The following PNKD variants were observed in gnomAD, a reference collection of about 807,000 sequenced individuals.
PNKD encodes probable thioesterase PNKD.
PNKD carries 36 observed loss-of-function variants against 45.3 expected under a neutral mutation model. That is an observed-to-expected ratio of 0.80 (90% CI 0.61 to 1.05). PNKD has a LOEUF of 1.05. Among genes scored for constraint, PNKD ranks in the 50% least tolerant of loss-of-function variants. The pLI, the probability that PNKD is intolerant of heterozygous loss-of-function variation, is 0.00. For missense variants in PNKD, 511 were observed against 506.6 expected (o/e 1.01, Z -0.08); for synonymous variants, 197 against 210.1 (o/e 0.94, Z 0.54).
chr2:218,317,247 C>T (rs1289910178), intron 2 of PNKD, among the ~76,000 whole-genome samples: 4 of 152,192 alleles, frequency 2.6e-5, no homozygotes, highest in Non-Finnish European at 4.4e-5. Flanking sequence ...AATGCACACT[C>T]TTGGGCCCCA....
chr2:218,323,739 C>T (rs1403440625), intron 2 of PNKD, among the ~76,000 whole-genome samples: 1 of 151,526 alleles, frequency 6.6e-6, no homozygotes, highest in East Asian at 2.0e-4. Flanking sequence ...GACCAGGAAG[C>T]TGGACAGGGG....
chr2:218,283,098 C>A (rs1257018839), intron 2 of PNKD, among the ~76,000 whole-genome samples: 2 of 152,152 alleles, frequency 1.3e-5, no homozygotes. Flanking sequence ...GGACAAAGAG[C>A]TGAGGAGTCA....
chr2:218,343,917 G>A lies in PNKD; in HGVS notation c.868+331G>A, dbSNP rs569220765. Among the ~76,000 whole-genome samples, 139 of 152,376 alleles carry A rather than the reference G, an allele frequency of 9.1e-4. No individual in the cohort carries two copies. The South Asian group carries it at 9.9e-3, about 11-fold the overall frequency. Reference sequence around the variant, plus strand: ...AGAAAATAGCCTTTGCTTATCTGGGGAGAAGTCAGTAAATCCACTCTGCAT... The same window carrying A: ...AGAAAATAGCCTTTGCTTATCTGGGAAGAAGTCAGTAAATCCACTCTGCAT... On this transcript the variant is annotated intron_variant, in intron 8 of 9. Transcript: ENST00000273077.
At chr2:218,282,038 C>A (rs1022721035) in intron 2 of PNKD, 41 of 1,606,884 alleles carry the variant, frequency 2.6e-5, no homozygotes, top group Non-Finnish European at 3.0e-5. Flanking sequence ...GGCAGGATAC[C>A]CTCCTGGCAG....
intron 2 of PNKD, among the ~76,000 whole-genome samples, chr2:218,331,373 C>T (rs557344473): frequency 1.3e-5 from 2 of 152,090 alleles, no homozygotes; most frequent in South Asian, 4.1e-4. Flanking sequence ...TGCCATTGCA[C>T]TCCAGCCTGG....
intron 2 of PNKD, among the ~76,000 whole-genome samples, chr2:218,335,209 C>T (rs1486575614): frequency 1.3e-5 from 2 of 151,836 alleles, no homozygotes; most frequent in African/African-American, 4.8e-5. Flanking sequence ...GGGCTGGGCG[C>T]GGTGGCTCAC....
chr2:218,335,040 T>C (rs1373373966), intron 2 of PNKD, among the ~76,000 whole-genome samples: 1 of 152,098 alleles, frequency 6.6e-6, no homozygotes, highest in East Asian at 1.9e-4. Flanking sequence ...TAGTCCCAGC[T>C]ACTCGGGATA....
intron 2 of PNKD, among the ~76,000 whole-genome samples, chr2:218,300,474 C>T (rs935123112): frequency 5.3e-5 from 8 of 152,096 alleles, no homozygotes; most frequent in African/African-American, 1.4e-4. Context: ...GCAAATAGAT[C>T]GCTTGGGGTT....
Position 218,340,882 on chromosome 2 carries a change from T to C in PNKD, c.524+96T>C. 9.7e-7 allele frequency: 1 copy of C among 1,031,800 alleles called. No individual in the cohort carries two copies. Among genetic ancestry groups the C allele is most frequent in the Non-Finnish European group, 1.5e-6 (1 of 651,280 alleles). 63.9% of individuals were successfully genotyped at this position (1,031,800 alleles called of 1,614,324 possible). A position where few individuals can be genotyped will look rare whatever the true frequency, so the allele number is the denominator to read the frequency against. Reference sequence around the variant, plus strand: ...ACGGCCGGGGCCAGAGATCAAGAAGTCAGTACGGGCCGGCACCCGCCTTCC... The same window carrying C: ...ACGGCCGGGGCCAGAGATCAAGAAGCCAGTACGGGCCGGCACCCGCCTTCC... On this transcript the variant is annotated intron_variant, in intron 5 of 9. Transcript: ENST00000273077. This position sits in a 1 kb window ranked among gnomAD's most constrained non-coding sequence, Gnocchi z 4.2.
At chr2:218,301,220 C>T (rs1305243902) in intron 2 of PNKD, among the ~76,000 whole-genome samples, 1 of 152,086 alleles carries the variant, frequency 6.6e-6, no homozygotes, top group African/African-American at 2.4e-5. Context: ...TTTATGTGCT[C>T]AGTGGCAAGT....
In PNKD at chr2:218,322,693, T is replaced by C. The variant is rs577748225; in HGVS notation, c.237-17090T>C. Among the ~76,000 whole-genome samples, 92 of 152,250 alleles carry C rather than the reference T, an allele frequency of 6.0e-4. 4 individuals are homozygous for C. The South Asian group carries it at 0.018, about 31-fold the overall frequency. ...ATATGTATGTGTATGCATAAACAGA[T>C]ATAATTTTGTTTGCTCGCTTATTTG... On this transcript the variant is annotated intron_variant, in intron 2 of 9. Coordinates refer to ENST00000273077, the MANE Select transcript of PNKD (RefSeq NM_015488.5).
intron 2 of PNKD, chr2:218,272,469 G>A: frequency 9.4e-7 from 1 of 1,065,624 alleles, no homozygotes; most frequent in Non-Finnish European, 1.5e-6. Flanking sequence ...AAGAGGTATT[G>A]CAGCATTCAT....
chr2:218,280,383 G>C lies in PNKD; in HGVS notation c.236+8834G>C, dbSNP rs370699257. 6.7e-4 allele frequency: 281 copies of C among 421,588 alleles called. 2 individuals are homozygous for C. Among genetic ancestry groups the C allele is most frequent in the African/African-American group, 5.3e-3 (260 of 48,932 alleles). The allele number at this position is 421,588 out of a possible 1,614,324, so 26.1% of individuals were successfully genotyped here. ...TCCTGTGTGCCCAGCCCACGCCACT[G>C]GGGGTTCACTGGGGGGTCACGATGT... is the stretch of plus-strand genomic sequence containing the variant. On this transcript the variant is annotated intron_variant, in intron 2 of 9. Coordinates refer to ENST00000273077, the MANE Select transcript of PNKD (RefSeq NM_015488.5).
chr2:218,344,760 T>C (rs1293298515), intron 9 of PNKD, 48 bp from the exon 10 acceptor site: 1 of 1,588,444 alleles, frequency 6.3e-7, no homozygotes, highest in South Asian at 1.1e-5. Context: ...CTGTCTTGGG[T>C]CCATTTCCCA....
chr2:218,290,718 A>G (rs941740821), intron 2 of PNKD, among the ~76,000 whole-genome samples: 18 of 152,316 alleles, frequency 1.2e-4, no homozygotes, highest in East Asian at 1.9e-4. Flanking sequence ...CTTCCCACCA[A>G]TGGAGGTACC....
At chr2:218,329,641 T>C (rs1694262512) in intron 2 of PNKD, among the ~76,000 whole-genome samples, 1 of 152,248 alleles carries the variant, frequency 6.6e-6, no homozygotes, top group African/African-American at 2.4e-5. Flanking sequence ...TGGCAGACCC[T>C]GACCTGGGGA....
At chr2:218,325,361 C>T (rs1694121533) in intron 2 of PNKD, among the ~76,000 whole-genome samples, 1 of 151,438 alleles carries the variant, frequency 6.6e-6, no homozygotes, top group South Asian at 2.1e-4. Context: ...GCACCTGCTA[C>T]CATACCCAGC....
At chr2:218,282,247 C>T in intron 2 of PNKD, 1 of 933,982 alleles carries the variant, frequency 1.1e-6, no homozygotes, top group East Asian at 3.2e-5. Flanking sequence ...CTCATGGGCC[C>T]ACTTCCAGCC....
chr2:218,340,767 C>T lies in PNKD; in HGVS notation c.505C>T (p.Leu169=). Residue 169 remains leucine (L), a synonymous_variant, in exon 5 of 10, where the codon CTG becomes TTG. Transcript: ENST00000273077. This position sits in a 1 kb window ranked among gnomAD's most constrained non-coding sequence, Gnocchi z 4.2. ...EKEGVTLVAI[L]CTHKHWDHSG... is the part of the protein sequence containing the mutation. Reference sequence around the variant, plus strand: ...GGAAGGGGTCACCTTGGTCGCCATTCTGTGTACTCACAAGCACTGGTAAGG... The same window carrying T: ...GGAAGGGGTCACCTTGGTCGCCATTTTGTGTACTCACAAGCACTGGTAAGG... 1 of 1,614,032 alleles carries T rather than the reference C, an allele frequency of 6.2e-7. No homozygotes were observed. The highest frequency in any genetic ancestry group is 1.3e-5 in the African/African-American group (1 of 75,054).
Sources: allele counts gnomAD v4.1 joint callset (sites outside exome capture counted in the v4.1 genomes callset), GRCh38; gene constraint gnomAD v4.1.1; non-coding constraint Gnocchi (gnomAD v3.1); transcripts MANE v1.5; gene names NCBI Gene and HGNC (gene_info 2026-07-23, HGNC 2026-07-21).